SARDH: variants seen among roughly 807,000 people sequenced by gnomAD.
SARDH encodes the protein sarcosine dehydrogenase, mitochondrial.
In SARDH, 95 loss-of-function variants were observed where a neutral mutation model predicts 109.1. The observed-to-expected ratio is 0.87, with a 90% confidence interval of 0.74 to 1.03. The LOEUF is 1.03. SARDH is among the 50% of genes least tolerant of loss of function. The pLI, the probability that SARDH is intolerant of heterozygous loss-of-function variation, is 0.00. For missense variants in SARDH, 1,267 were observed against 1,287.8 expected, an observed-to-expected ratio of 0.98 and a Z score of 0.25; for synonymous variants, 572 against 534.8, an observed-to-expected ratio of 1.07 and a Z score of -0.96.
chr9:133,710,001 A>G (rs1047242066), intron 10 of SARDH, among the ~76,000 whole-genome samples: 1 of 152,158 alleles, frequency 6.6e-6, no homozygotes, highest in African/African-American at 2.4e-5. Context: ...CGAGTGACCT[A>G]CAGAGTCCCA....
intron 1 of SARDH, among the ~76,000 whole-genome samples, chr9:133,736,616 G>A (rs563081163): frequency 5.9e-5 from 9 of 152,228 alleles, no homozygotes; most frequent in South Asian, 2.1e-4. Flanking sequence ...GGCTGGTCTC[G>A]AACTCCTGAC....
intron 15 of SARDH, among the ~76,000 whole-genome samples, chr9:133,691,385 A>G (rs1831091948): frequency 6.6e-6 from 1 of 152,090 alleles, no homozygotes; most frequent in Non-Finnish European, 1.5e-5. Context: ...TTCCCTGAAA[A>G]CAAGACGCCA....
In SARDH at chr9:133,667,627, G is replaced by A. The variant is rs12004083; in HGVS notation, c.2496-757C>T. Among the ~76,000 whole-genome samples, 192 of 152,110 alleles carry A rather than the reference G, an allele frequency of 1.3e-3. 2 individuals are homozygous for A. Among genetic ancestry groups the A allele is most frequent in the African/African-American group, 4.5e-3 (187 of 41,502 alleles). ...AAAGGCCAGCACCCAGGGCTAACTG[G>A]TAACATTTTGTTGCCAGTCTGCAGA... On this transcript the variant is annotated intron_variant, in intron 19 of 20. Transcript: ENST00000439388.
chr9:133,722,924 G>A (rs865864925), intron 6 of SARDH, among the ~76,000 whole-genome samples: 1 of 152,146 alleles, frequency 6.6e-6, no homozygotes, highest in South Asian at 2.1e-4. Context: ...TTCCCAAAGT[G>A]CTGGGATTAT....
intron 8 of SARDH, among the ~76,000 whole-genome samples, chr9:133,715,825 G>T (rs925917428): frequency 6.6e-6 from 1 of 152,176 alleles, no homozygotes; most frequent in African/African-American, 2.4e-5. Flanking sequence ...TCAGTGCTCC[G>T]TCACCATCTC....
rs911225440 is a variant in SARDH, at chr9:133,692,251, G to A, written c.1922-1724C>T. 6.6e-6 allele frequency among the ~76,000 whole-genome samples: 1 copy of A among 152,172 alleles called. No homozygotes were observed. Among genetic ancestry groups the A allele is most frequent in the Non-Finnish European group, 1.5e-5 (1 of 68,026 alleles). On this transcript the variant is annotated intron_variant, in intron 15 of 20. Coordinates refer to ENST00000439388, the MANE Select transcript of SARDH (RefSeq NM_001134707.2). This position sits in a 1 kb window ranked among gnomAD's most constrained non-coding sequence, Gnocchi z 5.0. ...CAGGTCGCTGAGCCAGGTAGTGGCA[G>A]GACCTGGCCAGGATTTTTGGTGACC...
At chr9:133,668,293 C>A (rs1220882950) in intron 19 of SARDH, among the ~76,000 whole-genome samples, 1 of 131,976 alleles carries the variant, frequency 7.6e-6, no homozygotes, top group Non-Finnish European at 1.6e-5. Flanking sequence ...CCCTCCCTCT[C>A]CCTCCCTCTC....
At chr9:133,673,203 C>A (rs1386114007) in intron 17 of SARDH, among the ~76,000 whole-genome samples, 1 of 152,252 alleles carries the variant, frequency 6.6e-6, no homozygotes, top group Non-Finnish European at 1.5e-5. Context: ...GGGCTTCTTG[C>A]ACAGGAGGCG....
At chr9:133,682,901 A>G (rs910288024) in intron 17 of SARDH, among the ~76,000 whole-genome samples, 1 of 147,562 alleles carries the variant, frequency 6.8e-6, no homozygotes, top group Non-Finnish European at 1.5e-5. Context: ...GCTGAAACCC[A>G]TGCGCAGTGA....
chr9:133,659,896 AG>A (rs1220007683), downstream of SARDH, among the ~76,000 whole-genome samples: 1 of 152,072 alleles, frequency 6.6e-6, no homozygotes, highest in Non-Finnish European at 1.5e-5. Flanking sequence ...AGCCCAGAGA[AG>A]GGTCCCAGGG....
chr9:133,717,579 G>C, intron 7 of SARDH, 124 bp from the exon 8 acceptor site: 1 of 1,382,574 alleles, frequency 7.2e-7, no homozygotes, highest in Non-Finnish European at 9.8e-7. Flanking sequence ...TAGAGGGCTG[G>C]TGGTCACCCA....
chr9:133,731,589 C>T lies in SARDH; in HGVS notation c.511-105G>A, dbSNP rs1832684045. The T allele has an allele frequency of 2.5e-6, 3 of 1,201,622 alleles. No individual in the cohort carries two copies. In the South Asian group the frequency reaches 4.3e-5, roughly 17 times the overall value. 74.4% of individuals were successfully genotyped at this position (1,201,622 alleles called of 1,614,324 possible). ...CCGCAAACCCCAGCCTCACTTTCTCCCAGAAGCCTTAGCCGGTCCCCACGC... is the reference window on the plus strand; with the variant it reads ...CCGCAAACCCCAGCCTCACTTTCTCTCAGAAGCCTTAGCCGGTCCCCACGC... On this transcript the variant is annotated intron_variant, in intron 3 of 20. Transcript: ENST00000439388.
chr9:133,722,648 T>G (rs1205648232), intron 6 of SARDH, among the ~76,000 whole-genome samples: 1 of 39,060 alleles, frequency 2.6e-5, no homozygotes, highest in African/African-American at 6.2e-5. Context: ...TAGCGCTCTC[T>G]CTCTCTCTCT....
chr9:133,680,521 A>G (rs1306948852), intron 17 of SARDH, among the ~76,000 whole-genome samples: 1 of 152,236 alleles, frequency 6.6e-6, no homozygotes, highest in East Asian at 1.9e-4. Flanking sequence ...CCAGGTCAGC[A>G]AAAACTGTAA....
At chr9:133,683,326 G>A (rs1038135279) in intron 17 of SARDH, among the ~76,000 whole-genome samples, 4 of 152,194 alleles carry the variant, frequency 2.6e-5, no homozygotes, top group African/African-American at 4.8e-5. Flanking sequence ...GGGAGGGGAC[G>A]TGTTCCCACC....
intron 6 of SARDH, among the ~76,000 whole-genome samples, chr9:133,722,032 C>T (rs1407915021): frequency 2.0e-5 from 3 of 152,162 alleles, no homozygotes; most frequent in Non-Finnish European, 4.4e-5. Flanking sequence ...GGAGAATTTG[C>T]TTGAACCCAG....
chr9:133,684,913 T>C (rs943808102), intron 17 of SARDH, among the ~76,000 whole-genome samples: 28 of 152,306 alleles, frequency 1.8e-4, no homozygotes, highest in African/African-American at 6.0e-4. Context: ...ATGCAGGCAG[T>C]GAGGCCAAGG....
At chr9:133,710,411 C>T (rs200087566) in intron 10 of SARDH, among the ~76,000 whole-genome samples, 1 of 152,244 alleles carries the variant, frequency 6.6e-6, no homozygotes, top group African/African-American at 2.4e-5. Context: ...GCCCTGGGAC[C>T]CTCACGCGCA....
chr9:133,685,327 C>A (rs769037548), intron 16 of SARDH, 41 bp from the exon 17 acceptor site: 2 of 1,574,210 alleles, frequency 1.3e-6, no homozygotes, highest in Non-Finnish European at 1.7e-6. Context: ...CAAGTGCTCA[C>A]GGGTGGGGCC....
Sources: allele counts gnomAD v4.1 joint callset (sites outside exome capture counted in the v4.1 genomes callset), GRCh38; gene constraint gnomAD v4.1.1; non-coding constraint Gnocchi (gnomAD v3.1); transcripts MANE v1.5; gene names NCBI Gene and HGNC (gene_info 2026-07-23, HGNC 2026-07-21).